Variants in PCDHA2 observed in about 807,000 individuals in gnomAD.
The protein encoded by PCDHA2 is protocadherin alpha-2.
A neutral mutation model predicts 66.0 loss-of-function variants in PCDHA2; 58 were observed. The observed-to-expected ratio is 0.88, with a 90% CI of 0.71 to 1.09. PCDHA2 has a LOEUF of 1.09. Among genes scored for constraint, PCDHA2 ranks in the 50% least tolerant of loss-of-function variants. The pLI, the probability that PCDHA2 is intolerant of heterozygous loss-of-function variation, is 0.00. For missense variants in PCDHA2, 1,267 were observed against 1,242.3 expected (o/e 1.02, Z -0.30); for synonymous variants, 634 against 554.0 (o/e 1.14, Z -2.03).
chr5:140,938,973 G>A (rs112209995), intron 1 of PCDHA2, among the ~76,000 whole-genome samples: 3 of 152,224 alleles, frequency 2.0e-5, no homozygotes, highest in East Asian at 1.9e-4. Context: ...TTGGCATCAA[G>A]GCTATCCTGG....
chr5:140,997,719 C>T (rs1456038917), intron 3 of PCDHA2, among the ~76,000 whole-genome samples: 1 of 150,932 alleles, frequency 6.6e-6, no homozygotes, highest in East Asian at 1.9e-4. Context: ...CACCTTTCTA[C>T]GTCAGTACAT....
intron 1 of PCDHA2, chr5:140,812,000 C>T (rs1554125866): frequency 2.1e-5 from 2 of 95,182 alleles, no homozygotes; most frequent in African/African-American, 1.1e-4. Flanking sequence ...TTTTTACTAC[C>T]ATTTTTTTGT....
chr5:140,949,664 A>T (rs2094409163), intron 1 of PCDHA2, among the ~76,000 whole-genome samples: 1 of 151,578 alleles, frequency 6.6e-6, no homozygotes, highest in African/African-American at 2.4e-5. Context: ...TTGTTTCTTT[A>T]AAGTATGCCC....
chr5:140,800,635 A>G (rs1204850422), intron 1 of PCDHA2, among the ~76,000 whole-genome samples: 1 of 152,184 alleles, frequency 6.6e-6, no homozygotes, highest in African/African-American at 2.4e-5. Flanking sequence ...AAGAGATAAT[A>G]TCGTTTTACT....
intron 1 of PCDHA2, among the ~76,000 whole-genome samples, chr5:140,888,521 C>A (rs191011552): frequency 1.3e-5 from 2 of 152,142 alleles, no homozygotes; most frequent in African/African-American, 2.4e-5. Context: ...TTAGTTCTGA[C>A]GTGAAGTTAA....
At chr5:140,969,228 G>A in intron 1 of PCDHA2, 1 of 1,614,176 alleles carries the variant, frequency 6.2e-7, no homozygotes, top group Non-Finnish European at 8.5e-7. Flanking sequence ...GGGCCTTCGG[G>A]AGCCCAAGCA....
chr5:140,941,475 C>T (rs1554214513), intron 1 of PCDHA2, among the ~76,000 whole-genome samples: 1 of 151,578 alleles, frequency 6.6e-6, no homozygotes, highest in Non-Finnish European at 1.5e-5. Context: ...ACCACCACGC[C>T]TGGCTAATTT....
chr5:140,843,221 A>C (rs2150355439), intron 1 of PCDHA2: 1 of 1,595,692 alleles, frequency 6.3e-7, no homozygotes, highest in Non-Finnish European at 8.6e-7. Flanking sequence ...GATCAGCACC[A>C]CTCGTGTCCT....
At chr5:140,928,008 T>C in intron 1 of PCDHA2, 1 of 1,614,158 alleles carries the variant, frequency 6.2e-7, no homozygotes, top group Non-Finnish European at 8.5e-7. Context: ...TCGATTCTAA[T>C]GGTAGGGTCA....
chr5:140,806,554 A>G (rs1763748640), intron 1 of PCDHA2, among the ~76,000 whole-genome samples: 1 of 152,186 alleles, frequency 6.6e-6, no homozygotes, highest in Non-Finnish European at 1.5e-5. Flanking sequence ...ACATCTGCAA[A>G]TTTCCCTGTC....
At chr5:141,004,532 C>G (rs569751588) in intron 3 of PCDHA2, among the ~76,000 whole-genome samples, 1 of 152,314 alleles carries the variant, frequency 6.6e-6, no homozygotes, top group African/African-American at 2.4e-5. Context: ...TACACACAGC[C>G]ATTAATGTCC....
intron 1 of PCDHA2, chr5:140,858,071 C>A: frequency 6.3e-7 from 1 of 1,597,680 alleles, no homozygotes; most frequent in Non-Finnish European, 8.6e-7. Context: ...CAGCCAGGCA[C>A]CCAAGGCCTC....
intron 1 of PCDHA2, chr5:140,882,355 C>T: frequency 6.2e-7 from 1 of 1,614,166 alleles, no homozygotes; most frequent in African/African-American, 1.3e-5. Context: ...CGGGTAGTGG[C>T]CAGCTCCACT....
At position 140,864,130 on chromosome 5, in the gene PCDHA2, G is replaced by A. The variant is rs1269875416; in HGVS notation, c.2388+66778G>A. ...TAGTAATAATGAATTAGACTGAGTG[G>A]CTGTTTCCTGTAAATGAGAAAGTTA... On this transcript the variant is annotated intron_variant, in intron 1 of 3. Coordinates refer to ENST00000526136, the MANE Select transcript of PCDHA2 (RefSeq NM_018905.3). 3 of 152,238 alleles carry A rather than the reference G, an allele frequency of 2.0e-5. No individual in the cohort carries two copies. The East Asian group carries it at 5.8e-4, about 29-fold the overall frequency. 9.4% of individuals were successfully genotyped at this position (152,238 alleles called of 1,614,324 possible).
intron 1 of PCDHA2, chr5:140,876,435 C>A (rs1380633697): frequency 1.9e-6 from 3 of 1,613,852 alleles, no homozygotes; most frequent in Non-Finnish European, 1.7e-6. Context: ...TTCAGGTTAA[C>A]GCCATTGATA....
At chr5:140,836,244 C>T (rs2150256239) in intron 1 of PCDHA2, 3 of 1,613,684 alleles carry the variant, frequency 1.9e-6, no homozygotes, top group South Asian at 2.2e-5. Flanking sequence ...TGCGAGCATC[C>T]CGTTCCGCGT....
In PCDHA2 at chr5:140,850,682, G is replaced by C. The variant is rs2150493727; in HGVS notation, c.2388+53330G>C. On this transcript the variant is annotated intron_variant, in intron 1 of 3. Coordinates refer to ENST00000526136, the MANE Select transcript of PCDHA2 (RefSeq NM_018905.3). The stretch of plus-strand genomic sequence containing the variant: ...TGCGGTGCTCGGCGATGCCCACCGA[G>C]GGCGAGTGCGCGCCTGGCAAGCCGA... The C allele has an allele frequency of 3.1e-5, 50 of 1,598,558 alleles. 3 individuals carry two copies. In the East Asian group the frequency reaches 1.1e-3, roughly 35 times the overall value.
chr5:140,985,018 A>G (rs1384418667), intron 3 of PCDHA2, among the ~76,000 whole-genome samples: 2 of 152,026 alleles, frequency 1.3e-5, no homozygotes, highest in Non-Finnish European at 2.9e-5. Flanking sequence ...GCTCACAGCA[A>G]CCTCTGCCTC....
rs2150361079 is a variant in PCDHA2, at chr5:140,843,485, C to G, written c.2388+46133C>G. On this transcript the variant is annotated intron_variant, in intron 1 of 3. Transcript: ENST00000526136. The stretch of plus-strand genomic sequence containing the variant: ...CACGCTGCTGCTGTACACTGCGCTG[C>G]GGTGCTCAGCACTGCCCACTGAGGG... The G allele has an allele frequency of 5.6e-6, 9 of 1,595,872 alleles. No homozygotes were observed. The African/African-American group carries it at 1.1e-4, about 19-fold the overall frequency.
Sources: allele counts gnomAD v4.1 joint callset (sites outside exome capture counted in the v4.1 genomes callset), GRCh38; gene constraint gnomAD v4.1.1; transcripts MANE v1.5; gene names NCBI Gene and HGNC (gene_info 2026-07-23, HGNC 2026-07-21).